Variants in RGS7 observed in about 807,000 individuals in gnomAD.
RGS7 encodes the protein regulator of G-protein signaling 7.
Under a neutral mutation model 81.1 loss-of-function variants are expected in RGS7, and 27 were observed. The observed-to-expected ratio is 0.33, with a 90% confidence interval of 0.25 to 0.46. The LOEUF is 0.46. Ranked by LOEUF, RGS7 falls within the 20% of genes least tolerant of loss-of-function variation. RGS7 has a pLI of 1.00. For synonymous variants in RGS7, 208 were observed against 207.7 expected (o/e 1.00, Z -0.01); for missense variants, 396 against 607.4 (o/e 0.65, Z 3.66).
At chr1:241,051,752 C>T (rs899178989) in intron 3 of RGS7, among the ~76,000 whole-genome samples, 6 of 152,284 alleles carry the variant, frequency 3.9e-5, no homozygotes, top group East Asian at 1.9e-4. Context: ...CAACAGATAA[C>T]GGCTAACTTG....
At position 241,182,761 on chromosome 1, in the gene RGS7, G is replaced by T. The variant is rs542111484; in HGVS notation, c.79-83999C>A. Among the ~76,000 whole-genome samples, 385 of 150,008 alleles carry T rather than the reference G, an allele frequency of 2.6e-3. 3 individuals carry two copies. Among genetic ancestry groups the T allele is most frequent in the African/African-American group, 9.0e-3 (367 of 40,672 alleles). ...CCTTGCGGGTTCCAGTGATTCTCCT[G>T]CCTCAGCCTCCCGAGTAGCTGGGAT... is the stretch of plus-strand genomic sequence containing the variant. On this transcript the variant is annotated intron_variant, in intron 2 of 18. Coordinates refer to ENST00000440928, the MANE Select transcript of RGS7 (RefSeq NM_001364886.1).
At chr1:241,208,336 G>A (rs955329765) in intron 2 of RGS7, among the ~76,000 whole-genome samples, 8 of 152,056 alleles carry the variant, frequency 5.3e-5, no homozygotes, top group South Asian at 4.1e-4. Flanking sequence ...GGATGACTAC[G>A]CCAGGCTTAG....
chr1:241,055,123 G>C (rs3002683), intron 3 of RGS7, among the ~76,000 whole-genome samples: 96,380 of 152,074 alleles, frequency 0.63, 31,526 homozygotes, highest in East Asian at 0.87. Context: ...AGGTATAAAA[G>C]ATAGGAAAAA....
At chr1:241,262,504 A>G (rs1387243809) in intron 2 of RGS7, among the ~76,000 whole-genome samples, 1 of 152,234 alleles carries the variant, frequency 6.6e-6, no homozygotes. Flanking sequence ...CCTGTCCTTA[A>G]TGCACAGTTA....
At position 240,992,966 on chromosome 1, in the gene RGS7, G is replaced by C. The variant is rs116350388; in HGVS notation, c.176-9837C>G. Among the ~76,000 whole-genome samples, 1,276 of 151,910 alleles carry C rather than the reference G, an allele frequency of 8.4e-3. 19 individuals carry two copies. Among genetic ancestry groups the C allele is most frequent in the African/African-American group, 0.03 (1,224 of 41,382 alleles). ...GGAGGCAGAGGTTGTAGCGAGTCGA[G>C]ATTGCATGACTGCATTCCAGCCTGG... On this transcript the variant is annotated intron_variant, in intron 3 of 18. Coordinates refer to ENST00000440928, the MANE Select transcript of RGS7 (RefSeq NM_001364886.1).
At chr1:241,138,345 G>A (rs2067678424) in intron 2 of RGS7, among the ~76,000 whole-genome samples, 1 of 152,146 alleles carries the variant, frequency 6.6e-6, no homozygotes, top group Non-Finnish European at 1.5e-5. Context: ...CTTCAGTGAG[G>A]AGTTGGAAAG....
At chr1:241,176,065 G>A (rs1398265137) in intron 2 of RGS7, among the ~76,000 whole-genome samples, 4 of 152,148 alleles carry the variant, frequency 2.6e-5, no homozygotes, top group Non-Finnish European at 5.9e-5. Context: ...TCTATGAGAG[G>A]AGGTCCTGTG....
At chr1:240,831,293 C>G (rs1010161136) in intron 9 of RGS7, among the ~76,000 whole-genome samples, 1 of 151,972 alleles carries the variant, frequency 6.6e-6, no homozygotes, top group African/African-American at 2.4e-5. Flanking sequence ...GCTTAGAGGC[C>G]CAAAGTTGCC....
Position 240,776,232 on chromosome 1 carries a change from C to T in RGS7, c.*7-19G>A, listed in dbSNP as rs765563603. The T allele has an allele frequency of 6.3e-7, 1 of 1,589,606 alleles. No individual in the cohort carries two copies. The highest frequency in any genetic ancestry group is 1.1e-5 in the South Asian group (1 of 90,576). ...ATTTCCCCTGAGAAAATATATAAAACAAGAGAAAAGAAAGAAAATCAAGTA... is the reference window on the plus strand; with the variant it reads ...ATTTCCCCTGAGAAAATATATAAAATAAGAGAAAAGAAAGAAAATCAAGTA... On this transcript the variant is annotated intron_variant, in intron 18 of 18. Transcript: ENST00000440928.
chr1:241,253,314 G>C (rs1332404314), intron 2 of RGS7, among the ~76,000 whole-genome samples: 3 of 152,184 alleles, frequency 2.0e-5, no homozygotes, highest in Admixed American at 2.0e-4. Flanking sequence ...AGTGGGGATA[G>C]AAGACTGGTT....
rs188955158 is a variant in RGS7, at chr1:241,080,227, C to T, written c.175+18439G>A. On this transcript the variant is annotated intron_variant, in intron 3 of 18. Transcript: ENST00000440928. The stretch of plus-strand genomic sequence containing the variant: ...AGGCATGAAAAAAACAATTAATAAA[C>T]CTTTTATCTTCCTGGAAGATTTCCA... Among the ~76,000 whole-genome samples the T allele has an allele frequency of 1.6e-3, 240 of 151,618 alleles. 2 individuals are homozygous for T. The highest frequency in any genetic ancestry group is 5.5e-3 in the African/African-American group (229 of 41,312).
At chr1:241,268,574 A>G (rs1201433096) in intron 2 of RGS7, among the ~76,000 whole-genome samples, 1 of 152,168 alleles carries the variant, frequency 6.6e-6, no homozygotes, top group African/African-American at 2.4e-5. Flanking sequence ...ACTCTTCTAG[A>G]AGCAAAGGGT....
At position 240,811,860 on chromosome 1, in the gene RGS7, C is replaced by G. The variant is rs1689903502; in HGVS notation, c.1082+58G>C. ...AATTGATCTATTACCTCCAAAATAA[C>G]CAGACACATCACAGACAGTATTTCT... On this transcript the variant is annotated intron_variant, in intron 14 of 18. Transcript: ENST00000440928. 2.1e-6 allele frequency: 3 copies of G among 1,439,738 alleles called. No individual in the cohort carries two copies. The Admixed American group carries it at 5.0e-5, about 24-fold the overall frequency. 89.2% of individuals were successfully genotyped at this position (1,439,738 alleles called of 1,614,324 possible).
chr1:241,196,591 G>T (rs2073095121), intron 2 of RGS7, among the ~76,000 whole-genome samples: 1 of 150,532 alleles, frequency 6.6e-6, no homozygotes. Context: ...ATATTTAAAA[G>T]ATTAAATAAG....
At chr1:241,338,619 C>T (rs1319605565) in intron 2 of RGS7, among the ~76,000 whole-genome samples, 1 of 151,924 alleles carries the variant, frequency 6.6e-6, no homozygotes, top group Non-Finnish European at 1.5e-5. Flanking sequence ...GACAACCTTT[C>T]CAGGCTTTCA....
At chr1:240,916,365 C>T (rs575049387) in intron 6 of RGS7, among the ~76,000 whole-genome samples, 1 of 150,794 alleles carries the variant, frequency 6.6e-6, no homozygotes, top group African/African-American at 2.4e-5. Context: ...AAAGGCATAA[C>T]ATACATGTAA....
chr1:241,044,112 G>GT (rs11355364), intron 3 of RGS7, among the ~76,000 whole-genome samples: 4,883 of 121,004 alleles, frequency 0.04, 73 homozygotes, highest in Middle Eastern at 0.066. Context: ...TGTTTTTTTT[G>GT]TTTTTTTTTT....
chr1:240,806,533 T>C (rs2103072545), intron 14 of RGS7, among the ~76,000 whole-genome samples: 1 of 148,598 alleles, frequency 6.7e-6, no homozygotes, highest in Non-Finnish European at 1.5e-5. Flanking sequence ...AATAAAAATA[T>C]AAAAATATTA....
At chr1:240,989,403 T>G (rs1686133544) in intron 3 of RGS7, among the ~76,000 whole-genome samples, 1 of 151,024 alleles carries the variant, frequency 6.6e-6, no homozygotes, top group South Asian at 2.1e-4. Context: ...GCCACTGCAC[T>G]CCAGCCTGGC....
Sources: allele counts gnomAD v4.1 joint callset (sites outside exome capture counted in the v4.1 genomes callset), GRCh38; gene constraint gnomAD v4.1.1; transcripts MANE v1.5; gene names NCBI Gene and HGNC (gene_info 2026-07-23, HGNC 2026-07-21).